Variants in MYO9A observed in about 807,000 individuals in gnomAD.
The protein encoded by MYO9A is myosin IXA.
MYO9A carries 103 observed loss-of-function variants against 293.3 expected under a neutral mutation model. The ratio of observed to expected loss-of-function variants is 0.35; its 90% CI spans 0.30 to 0.41. MYO9A has a LOEUF of 0.41. Ranked by LOEUF, MYO9A falls within the 10% of genes least tolerant of loss-of-function variation. The pLI, the probability that MYO9A is intolerant of heterozygous loss-of-function variation, is 1.00. For synonymous variants in MYO9A, 1,001 were observed against 1,035.7 expected (o/e 0.97, Z 0.64); for missense variants, 2,685 against 3,033.0 (o/e 0.89, Z 2.69).
chr15:71,927,243 T>C (rs2058336648), intron 18 of MYO9A, among the ~76,000 whole-genome samples: 1 of 152,252 alleles, frequency 6.6e-6, no homozygotes, highest in African/African-American at 2.4e-5. Context: ...ACTGCTTATA[T>C]ATTCTAGACA....
chr15:71,963,608 G>A (rs1363181932), intron 13 of MYO9A, among the ~76,000 whole-genome samples: 2 of 151,960 alleles, frequency 1.3e-5, no homozygotes, highest in African/African-American at 2.4e-5. Flanking sequence ...ACGCCACCAC[G>A]CCTGGCTAAT....
chr15:71,983,238 T>A (rs1426572723), intron 11 of MYO9A, among the ~76,000 whole-genome samples: 3 of 151,982 alleles, frequency 2.0e-5, no homozygotes, highest in African/African-American at 7.2e-5. Context: ...GTTCTTATTT[T>A]ACTTATCCTC....
Position 71,967,990 on chromosome 15 carries a change from C to A in MYO9A, c.1980G>T (p.Gly660=), listed in dbSNP as rs775348560. The change falls in exon 13 of 42, where the codon GGG becomes GGT. Residue 660 remains glycine (G), a synonymous_variant. Transcript: ENST00000356056. ...CAGTGAGAAATTTACTGACCTTTAC[C>A]CCATATTTTACTTTTCCAGCATAAT... ...IKHYAGKVKY[G]VKDFREKNTD... 2 of 1,608,760 alleles carry A rather than the reference C, an allele frequency of 1.2e-6. No individual in the cohort carries two copies. Among genetic ancestry groups the A allele is most frequent in the African/African-American group, 2.7e-5 (2 of 74,676 alleles).
At chr15:71,839,615 G>T (rs1230894249) in intron 39 of MYO9A, among the ~76,000 whole-genome samples, 1 of 151,924 alleles carries the variant, frequency 6.6e-6, no homozygotes, top group Non-Finnish European at 1.5e-5. Flanking sequence ...TCGCATTGTT[G>T]CCACGGCTGG....
chr15:71,899,119 C>G, intron 24 of MYO9A, 87 bp from the exon 25 acceptor site: 1 of 1,253,738 alleles, frequency 8.0e-7, no homozygotes, highest in South Asian at 1.5e-5. Context: ...AGAAAAAATG[C>G]AGAGTTGTAA....
rs60977581 is a variant in MYO9A at position 72,077,752 on chromosome 15, AATATATATATAT to A, written c.-71-31130_-71-31119del. Among the ~76,000 whole-genome samples the A allele has an allele frequency of 6.2e-3, 450 of 72,432 alleles. 4 individuals carry two copies. The highest frequency in any genetic ancestry group is 0.019 in the South Asian group (43 of 2,310). 47.5% of individuals were successfully genotyped at this position (72,432 alleles called of 152,430 possible). The stretch of plus-strand genomic sequence containing the variant: ...CTCAAAGAAAAAAAAAAAAAAAAAA[AATATATATATAT>A]ATATATATATATATATAAACACATA... On this transcript the variant is annotated intron_variant, in intron 1 of 41. Transcript: ENST00000356056.
chr15:71,963,177 G>A (rs919418293), intron 13 of MYO9A, among the ~76,000 whole-genome samples: 6 of 151,938 alleles, frequency 3.9e-5, no homozygotes, highest in Non-Finnish European at 2.9e-5. Flanking sequence ...TCTGCCTCCC[G>A]GGCTCAAGTG....
chr15:71,931,327 AGT>A (rs1309361803), intron 18 of MYO9A, among the ~76,000 whole-genome samples: 1 of 152,140 alleles, frequency 6.6e-6, no homozygotes, highest in East Asian at 1.9e-4. Context: ...TGTCTGAGAA[AGT>A]TGTTATCTCC....
At position 72,028,895 on chromosome 15, in the gene MYO9A, T is replaced by C. The variant is rs144564782; in HGVS notation, c.936-1102A>G. On this transcript the variant is annotated intron_variant, in intron 3 of 41. Transcript: ENST00000356056. Reference sequence around the variant, plus strand: ...GGCACTATATCAAGCACAAGGAATATGGAAATAAGTGATCTACTGCCTGTT... The same window carrying C: ...GGCACTATATCAAGCACAAGGAATACGGAAATAAGTGATCTACTGCCTGTT... 2.2e-3 allele frequency among the ~76,000 whole-genome samples: 335 copies of C among 152,298 alleles called. 2 individuals are homozygous for C. The South Asian group carries it at 0.024, about 11-fold the overall frequency.
intron 11 of MYO9A, among the ~76,000 whole-genome samples, chr15:71,983,248 C>T (rs1366288852): frequency 6.6e-6 from 1 of 151,630 alleles, no homozygotes; most frequent in Middle Eastern, 3.4e-3. Context: ...TACTTATCCT[C>T]TGTATTTTTT....
chr15:71,834,724 CCACTG>C (rs2054869885), intron 39 of MYO9A, among the ~76,000 whole-genome samples: 1 of 152,072 alleles, frequency 6.6e-6, no homozygotes, highest in Non-Finnish European at 1.5e-5. Flanking sequence ...CAAGATCATG[CCACTG>C]CACTGCAGCC....
At position 72,028,238 on chromosome 15, in the gene MYO9A, T is replaced by TATATAA. The variant is rs1490355481; in HGVS notation, c.936-446_936-445insTTATAT. Among the ~76,000 whole-genome samples the TATATAA allele has an allele frequency of 4.0e-4, 58 of 144,656 alleles. No homozygotes were observed. The East Asian group carries it at 4.8e-3, about 12-fold the overall frequency. The allele number at this position is 144,656 out of a possible 152,430, so 94.9% of individuals were successfully genotyped here. A position where few individuals can be genotyped will look rare whatever the true frequency, so the allele number is the denominator to read the frequency against. ...AAATAAATATATATATATATATATATAAATATATATATGTACATACTATTA... is the reference window on the plus strand; with the variant it reads ...AAATAAATATATATATATATATATATATATAAAAATATATATATGTACATACTATTA... On this transcript the variant is annotated intron_variant, in intron 3 of 41. Transcript: ENST00000356056.
rs751825404 is a variant in MYO9A, at chr15:71,827,884, C to G, written c.7183G>C (p.Glu2395Gln). The change falls in exon 41 of 42, where the codon GAA (glutamate) becomes CAA (glutamine). Residue 2395 changes from glutamate to glutamine, a missense_variant and splice_region_variant. This residue lies in a region of MYO9A where 350 missense variants were observed against 328.9 expected (regional missense o/e 1.06). Transcript: ENST00000356056. ...TCTTTGGTCTACCATGTTCACTTAC[C>G]TGATTTCTCAGAGATAGCATATTCA... The part of the protein sequence containing the change: ...ESEYAISEKS[E>Q]RSLALSSLKT... 6.2e-7 allele frequency: 1 copy of G among 1,611,672 alleles called. No homozygotes were observed. Among genetic ancestry groups the G allele is most frequent in the Non-Finnish European group, 8.5e-7 (1 of 1,179,156 alleles).
chr15:71,875,348 T>A (rs1369944053), intron 32 of MYO9A, among the ~76,000 whole-genome samples: 1 of 152,122 alleles, frequency 6.6e-6, no homozygotes, highest in Non-Finnish European at 1.5e-5. Flanking sequence ...TGTCAGCATG[T>A]CAGCGTGAAA....
intron 1 of MYO9A, among the ~76,000 whole-genome samples, chr15:72,113,185 C>T (rs1379132462): frequency 6.6e-6 from 1 of 152,144 alleles, no homozygotes; most frequent in Non-Finnish European, 1.5e-5. Flanking sequence ...AGTAATTAAG[C>T]TATTTCATTA....
intron 41 of MYO9A, 116 bp from the exon 42 acceptor site, chr15:71,827,159 G>T: frequency 1.3e-6 from 1 of 765,938 alleles, no homozygotes; most frequent in Non-Finnish European, 2.0e-6. Flanking sequence ...GATTCAGAGG[G>T]TCCAGGATGA....
intron 8 of MYO9A, among the ~76,000 whole-genome samples, chr15:72,003,852 C>A (rs2076943346): frequency 6.6e-6 from 1 of 151,980 alleles, no homozygotes; most frequent in Non-Finnish European, 1.5e-5. Flanking sequence ...TAAAAGACAT[C>A]AAATACAGTT....
Position 71,900,025 on chromosome 15 carries a change from A to G in MYO9A, c.3151-19T>C, listed in dbSNP as rs1189990553. On this transcript the variant is annotated intron_variant, in intron 23 of 41. Coordinates refer to ENST00000356056, the MANE Select transcript of MYO9A (RefSeq NM_006901.4). ...AGAATCTCTATGGGGAAGACAAAAT[A>G]ACAGAAACTGGTTGTCATATCTTAC... 6.3e-7 allele frequency: 1 copy of G among 1,580,666 alleles called. No individual in the cohort carries two copies. The highest frequency in any genetic ancestry group is 1.4e-5 in the African/African-American group (1 of 73,620).
intron 1 of MYO9A, among the ~76,000 whole-genome samples, chr15:72,055,140 G>C (rs2078684392): frequency 6.6e-6 from 1 of 152,192 alleles, no homozygotes; most frequent in Non-Finnish European, 1.5e-5. Context: ...AAATTATCAG[G>C]CTGGGCACAG....
Sources: allele counts gnomAD v4.1 joint callset (sites outside exome capture counted in the v4.1 genomes callset), GRCh38; gene constraint gnomAD v4.1.1; regional missense constraint gnomAD v4.1.1; transcripts MANE v1.5; gene names NCBI Gene and HGNC (gene_info 2026-07-23, HGNC 2026-07-21).